MVB12B: variants seen among roughly 807,000 people sequenced by gnomAD.
MVB12B encodes the protein multivesicular body subunit 12B.
A neutral mutation model predicts 41.6 loss-of-function variants in MVB12B; 16 were observed. That is an observed-to-expected ratio of 0.38 (90% CI 0.26 to 0.58). The LOEUF is 0.58. Among genes scored for constraint, MVB12B ranks in the 20% least tolerant of loss-of-function variants. The pLI is 0.62. For synonymous variants in MVB12B, 133 were observed against 139.7 expected (o/e 0.95, Z 0.34); for missense variants, 274 against 380.2 (o/e 0.72, Z 2.32).
intron 7 of MVB12B, among the ~76,000 whole-genome samples, chr9:126,450,925 T>C (rs548486894): frequency 3.9e-5 from 6 of 152,284 alleles, no homozygotes; most frequent in Non-Finnish European, 7.4e-5. Context: ...GCCCTGCAGG[T>C]GCAGACCAGC....
intron 7 of MVB12B, among the ~76,000 whole-genome samples, chr9:126,477,215 T>C (rs1443269227): frequency 6.6e-6 from 1 of 152,144 alleles, no homozygotes; most frequent in Non-Finnish European, 1.5e-5. Flanking sequence ...AACCAGATCT[T>C]GTGAGAATCA....
rs1474357642 is a variant in MVB12B, at chr9:126,495,211, G to A, written c.874-7966G>A. Among the ~76,000 whole-genome samples, 33 of 146,642 alleles carry A rather than the reference G, an allele frequency of 2.3e-4. No individual in the cohort carries two copies. In the East Asian group the frequency reaches 3.7e-3, roughly 16 times the overall value. ...TGTCTCAAAAAAAAAAAAAAAATGA[G>A]AGAGAGAGAAAGAAGAGAAGGGAAA... On this transcript the variant is annotated intron_variant, in intron 9 of 9. Coordinates refer to ENST00000361171, the MANE Select transcript of MVB12B (RefSeq NM_033446.3).
At chr9:126,404,876 C>G (rs1588144306) in intron 6 of MVB12B, among the ~76,000 whole-genome samples, 1 of 152,328 alleles carries the variant, frequency 6.6e-6, no homozygotes, top group East Asian at 1.9e-4. Flanking sequence ...CTTCAAAATG[C>G]TCGTGAACAG....
chr9:126,463,075 C>T (rs1211223423), intron 7 of MVB12B, among the ~76,000 whole-genome samples: 1 of 152,246 alleles, frequency 6.6e-6, no homozygotes, highest in Non-Finnish European at 1.5e-5. Flanking sequence ...CATCTCCCCA[C>T]TGTCCTGCGG....
intron 7 of MVB12B, among the ~76,000 whole-genome samples, chr9:126,444,552 C>T (rs540260150): frequency 1.1e-3 from 171 of 152,242 alleles, no homozygotes; most frequent in African/African-American, 3.7e-3. Flanking sequence ...TGTGGAGTTG[C>T]AGGAGCTCCT....
chr9:126,418,925 G>A (rs780399625), intron 6 of MVB12B, among the ~76,000 whole-genome samples: 4 of 152,128 alleles, frequency 2.6e-5, no homozygotes, highest in Non-Finnish European at 4.4e-5. Flanking sequence ...AAGTGTTCAG[G>A]TAACTTTATG....
In MVB12B at chr9:126,381,053, C is replaced by T; in HGVS notation, c.205-11C>T. ...TTACCTGCAATCCTTTTCTCTGTCT[C>T]TCCGGTGTAGGTTGCACAGACAGCA... On this transcript the variant is annotated splice_polypyrimidine_tract_variant and intron_variant, in intron 2 of 9. Transcript: ENST00000361171. 1.2e-6 allele frequency: 2 copies of T among 1,611,668 alleles called. No individual in the cohort carries two copies. Among genetic ancestry groups the T allele is most frequent in the Non-Finnish European group, 1.7e-6 (2 of 1,177,846 alleles).
intron 6 of MVB12B, chr9:126,396,232 G>A (rs1390458336): frequency 4.1e-6 from 4 of 986,838 alleles, no homozygotes; most frequent in Admixed American, 6.0e-5. Flanking sequence ...AAGAAACTTG[G>A]GTGAGCCAAC....
intron 9 of MVB12B, among the ~76,000 whole-genome samples, chr9:126,490,362 C>A (rs1431627456): frequency 1.3e-5 from 2 of 152,186 alleles, no homozygotes; most frequent in African/African-American, 2.4e-5. Context: ...AGGTTTCATG[C>A]TGTGTGCTTA....
intron 9 of MVB12B, among the ~76,000 whole-genome samples, chr9:126,500,532 TG>T (rs1413590070): frequency 6.6e-6 from 1 of 152,222 alleles, no homozygotes; most frequent in Non-Finnish European, 1.5e-5. Context: ...ACCAGCAGCA[TG>T]GGGTTACCTG....
intron 7 of MVB12B, among the ~76,000 whole-genome samples, chr9:126,455,334 C>T (rs1235152431): frequency 2.0e-5 from 3 of 151,684 alleles, no homozygotes; most frequent in East Asian, 2.0e-4. Flanking sequence ...ACAACAGGCA[C>T]GTGCCACCAC....
intron 7 of MVB12B, among the ~76,000 whole-genome samples, chr9:126,437,703 C>T (rs528473476): frequency 1.5e-4 from 23 of 152,170 alleles, no homozygotes; most frequent in Non-Finnish European, 2.8e-4. Flanking sequence ...GGCGGGAGTA[C>T]GCTTAGTTTT....
At chr9:126,447,642 CTT>C (rs750749982) in intron 7 of MVB12B, among the ~76,000 whole-genome samples, 11 of 152,138 alleles carry the variant, frequency 7.2e-5, no homozygotes, top group Non-Finnish European at 1.2e-4. Context: ...GAAAACACAT[CTT>C]CTCTCTGTCA....
intron 6 of MVB12B, chr9:126,396,750 G>A (rs1351401212): frequency 1.0e-6 from 1 of 985,314 alleles, no homozygotes; most frequent in Non-Finnish European, 1.2e-6. Context: ...AACCAAGAGT[G>A]GTATTTAAAC....
intron 7 of MVB12B, among the ~76,000 whole-genome samples, chr9:126,451,919 G>A (rs561954189): frequency 6.6e-6 from 1 of 152,220 alleles, no homozygotes; most frequent in African/African-American, 2.4e-5. Context: ...TAAATTTCAT[G>A]CAGGTTGTCT....
chr9:126,341,778 A>G (rs935545099), intron 2 of MVB12B, among the ~76,000 whole-genome samples: 4 of 152,330 alleles, frequency 2.6e-5, no homozygotes, highest in Admixed American at 2.0e-4. Flanking sequence ...TGACAACCCA[A>G]AATGTCTCCA....
chr9:126,500,815 C>G (rs1327641051), intron 9 of MVB12B, among the ~76,000 whole-genome samples: 1 of 152,206 alleles, frequency 6.6e-6, no homozygotes, highest in Non-Finnish European at 1.5e-5. Context: ...AGTCAGGCCC[C>G]GAATCTGCTT....
At chr9:126,442,064 A>AT (rs1832654297) in intron 7 of MVB12B, among the ~76,000 whole-genome samples, 8 of 152,150 alleles carry the variant, frequency 5.3e-5, no homozygotes, top group Admixed American at 4.6e-4. Flanking sequence ...CTTGACTTTG[A>AT]TTTTTTCATG....
chr9:126,417,187 C>T (rs760562668), intron 6 of MVB12B, among the ~76,000 whole-genome samples: 2 of 152,222 alleles, frequency 1.3e-5, no homozygotes, highest in African/African-American at 4.8e-5. Context: ...ACCTGCTGCT[C>T]TCTGACTGCT....
Sources: gnomAD v4.1 joint callset for allele counts (sites outside exome capture counted in the v4.1 genomes callset) on GRCh38, gnomAD v4.1.1 for gene constraint, MANE v1.5 for transcripts, NCBI Gene and HGNC (gene_info 2026-07-23, HGNC 2026-07-21) for gene names.